Variants in WDR49 observed in about 807,000 individuals in gnomAD.
WDR49 encodes the protein cilia- and flagella-associated protein 337.
In WDR49, 107 loss-of-function variants were observed where a neutral mutation model predicts 119.5. That is an observed-to-expected ratio of 0.90 (90% confidence interval 0.77 to 1.05). WDR49 has a LOEUF of 1.05. Ranked by LOEUF, WDR49 falls within the 50% of genes least tolerant of loss-of-function variation. The pLI is 0.00. For missense variants in WDR49, 1,240 were observed against 1,220.5 expected, an observed-to-expected ratio of 1.02 and a Z score of -0.24; for synonymous variants, 425 against 418.8, an observed-to-expected ratio of 1.01 and a Z score of -0.18.
intron 5 of WDR49, among the ~76,000 whole-genome samples, chr3:167,617,949 C>A (rs1233945776): frequency 6.6e-6 from 1 of 152,234 alleles, no homozygotes; most frequent in East Asian, 1.9e-4. Context: ...TGCATTGGGT[C>A]TGTCCAAGTT....
In WDR49 at chr3:167,478,966, A is replaced by G; in HGVS notation, c.3062T>C (p.Leu1021Pro). Residue 1021 changes from leucine to proline, a missense_variant, in exon 19 of 19, where the codon CTG becomes CCG. By Grantham distance (98) the Leu-to-Pro change is moderately conservative. Coordinates refer to ENST00000682715, the MANE Select transcript of WDR49 (RefSeq NM_001366157.1). ...ATGATGCAGAATTTCCTTGGGAAAC[A>G]GGTTTTTCTCATCAAATACAGCTTT... ...TLKAVFDEKNLFPKEILHHER... is the reference protein window; with the variant it reads ...TLKAVFDEKNPFPKEILHHER... 6.2e-7 allele frequency: 1 copy of G among 1,608,876 alleles called. No homozygotes were observed. Among genetic ancestry groups the G allele is most frequent in the Non-Finnish European group, 8.5e-7 (1 of 1,178,692 alleles).
chr3:167,560,334 C>A (rs542082769), intron 8 of WDR49, 106 bp from the exon 9 acceptor site: 3 of 1,153,314 alleles, frequency 2.6e-6, no homozygotes, highest in East Asian at 2.6e-5. Flanking sequence ...AAAGATCCCC[C>A]AACAGTCAGA....
At chr3:167,496,994 T>G (rs550359219) in intron 18 of WDR49, among the ~76,000 whole-genome samples, 5 of 152,198 alleles carry the variant, frequency 3.3e-5, no homozygotes, top group Non-Finnish European at 5.9e-5. Flanking sequence ...TCATTTTGAC[T>G]TCTGCTCCTT....
intron 16 of WDR49, among the ~76,000 whole-genome samples, chr3:167,508,025 G>A (rs1161352525): frequency 1.3e-5 from 2 of 152,154 alleles, no homozygotes; most frequent in Non-Finnish European, 2.9e-5. Context: ...GCAGGAAGGC[G>A]ATCTACTATG....
At chr3:167,504,403 G>A (rs554605113) in intron 17 of WDR49, among the ~76,000 whole-genome samples, 9 of 152,178 alleles carry the variant, frequency 5.9e-5, no homozygotes, top group Non-Finnish European at 1.0e-4. Context: ...GCTTTAAGAC[G>A]TAATGACTGC....
At chr3:167,630,737 C>T (rs1717331999) in intron 2 of WDR49, among the ~76,000 whole-genome samples, 1 of 152,110 alleles carries the variant, frequency 6.6e-6, no homozygotes, top group African/African-American at 2.4e-5. Flanking sequence ...AACCATTGTT[C>T]CTACGGGAAA....
At chr3:167,553,793 T>C (rs2108264893) in intron 10 of WDR49, among the ~76,000 whole-genome samples, 1 of 152,228 alleles carries the variant, frequency 6.6e-6, no homozygotes, top group South Asian at 2.1e-4. Context: ...CTTACTTTCT[T>C]ATTGTCAAAT....
At chr3:167,563,328 T>TGG (rs1275854141) in intron 8 of WDR49, among the ~76,000 whole-genome samples, 1 of 126,942 alleles carries the variant, frequency 7.9e-6, no homozygotes, top group African/African-American at 3.1e-5. Context: ...CACTCCAGCC[T>TGG]GGGCTACAGA....
At chr3:167,657,556 A>G (rs1718635039), upstream of WDR49, among the ~76,000 whole-genome samples, 1 of 132,796 alleles carries the variant, frequency 7.5e-6, no homozygotes, top group Non-Finnish European at 1.6e-5. Context: ...ATTTATCCCC[A>G]CCAACATATA....
chr3:167,522,457 G>A lies in WDR49; in HGVS notation c.2632C>T (p.Leu878Phe). The A allele has an allele frequency of 1.9e-6, 3 of 1,600,992 alleles. No individual in the cohort carries two copies. Among genetic ancestry groups the A allele is most frequent in the South Asian group, 2.3e-5 (2 of 87,524 alleles). ...TTAGTATCTCTTTTAGGAAGGAAAAGGCAGTTTTCAATATGCCAGTGCTTT... is the reference window on the plus strand; with the variant it reads ...TTAGTATCTCTTTTAGGAAGGAAAAAGCAGTTTTCAATATGCCAGTGCTTT... ...QAKHWHIENC[L>F]FLPKRDTNLV... Residue 878 changes from leucine to phenylalanine, a missense_variant, in exon 16 of 19, where the codon CTT becomes TTT. Transcript: ENST00000682715.
intron 5 of WDR49, among the ~76,000 whole-genome samples, chr3:167,609,575 G>GT (rs1716242838): frequency 6.6e-6 from 1 of 152,142 alleles, no homozygotes; most frequent in African/African-American, 2.4e-5. Flanking sequence ...CTACAGCACT[G>GT]TTTGTCTCCA....
At chr3:167,543,026 C>T (rs1711938944) in intron 10 of WDR49, among the ~76,000 whole-genome samples, 1 of 151,844 alleles carries the variant, frequency 6.6e-6, no homozygotes, top group Non-Finnish European at 1.5e-5. Context: ...TTTATGCATA[C>T]AAACTGGACA....
intron 2 of WDR49, among the ~76,000 whole-genome samples, chr3:167,635,965 ATT>A (rs60802771): frequency 6.6e-5 from 10 of 151,206 alleles, no homozygotes; most frequent in African/African-American, 2.4e-4. Context: ...AATTAAAAAA[ATT>A]TTTTTTTATT....
intron 15 of WDR49, among the ~76,000 whole-genome samples, chr3:167,525,390 C>T (rs752740816): frequency 6.6e-6 from 1 of 151,994 alleles, no homozygotes; most frequent in Non-Finnish European, 1.5e-5. Context: ...TATTTGAATA[C>T]CCTTTATTTC....
intron 5 of WDR49, among the ~76,000 whole-genome samples, chr3:167,619,096 T>C (rs1716738929): frequency 6.6e-6 from 1 of 152,196 alleles, no homozygotes; most frequent in African/African-American, 2.4e-5. Context: ...TAGGCTTCTC[T>C]GTATTTACTC....
At chr3:167,563,222 C>T (rs1384949388) in intron 8 of WDR49, among the ~76,000 whole-genome samples, 1 of 151,738 alleles carries the variant, frequency 6.6e-6, no homozygotes, top group African/African-American at 2.4e-5. Context: ...GGCGTGGTGG[C>T]GGGTGCCTGT....
At chr3:167,604,035 T>A (rs1715911320) in intron 6 of WDR49, among the ~76,000 whole-genome samples, 1 of 152,006 alleles carries the variant, frequency 6.6e-6, no homozygotes, top group Admixed American at 6.6e-5. Flanking sequence ...CTTCTCTATA[T>A]CATTTTACAC....
chr3:167,598,313 AAAG>A (rs534285948), intron 7 of WDR49, among the ~76,000 whole-genome samples: 56 of 152,174 alleles, frequency 3.7e-4, no homozygotes, highest in African/African-American at 1.2e-3. Flanking sequence ...TCAAAAAAAA[AAAG>A]AAGAAAAGAA....
intron 5 of WDR49, among the ~76,000 whole-genome samples, chr3:167,617,353 C>A (rs1245634873): frequency 6.6e-6 from 1 of 152,042 alleles, no homozygotes; most frequent in Non-Finnish European, 1.5e-5. Context: ...ATGGTGAAAC[C>A]CTGTCTCTAC....
Sources: allele counts gnomAD v4.1 joint callset (sites outside exome capture counted in the v4.1 genomes callset), GRCh38; gene constraint gnomAD v4.1.1; transcripts MANE v1.5; gene names NCBI Gene and HGNC (gene_info 2026-07-23, HGNC 2026-07-21).